The following ZNF469 variants were observed in gnomAD, a reference collection of about 807,000 sequenced individuals.
ZNF469 encodes the protein zinc finger protein 469.
Under a neutral mutation model 1.0 loss-of-function variants are expected in ZNF469, and 1 was observed. That is an observed-to-expected ratio of 1.00 (90% CI 0.35 to 4.73). The LOEUF is 4.73. ZNF469 is among the 30% of genes most tolerant of loss of function. ZNF469 has a pLI of 0.16. For missense variants in ZNF469, 6,100 were observed against 5,356.3 expected (o/e 1.14, Z -4.33); for synonymous variants, 2,703 against 2,363.4 (o/e 1.14, Z -4.17).
At chr16:88,361,590 G>T in the ZNF469 span, among the ~76,000 whole-genome samples, 1 of 151,490 alleles carries the variant, frequency 6.6e-6, no homozygotes, top group African/African-American at 2.4e-5. Context: ...TTCTTTATAT[G>T]CCCTGGATAC....
chr16:88,124,930 C>T, the ZNF469 span, among the ~76,000 whole-genome samples: 135 of 152,342 alleles, frequency 8.9e-4, no homozygotes, highest in African/African-American at 3.1e-3. Flanking sequence ...TTTTAAAATA[C>T]TTTTTGTGTC....
chr16:88,196,099 G>A, the ZNF469 span, among the ~76,000 whole-genome samples: 1 of 152,248 alleles, frequency 6.6e-6, no homozygotes, highest in Non-Finnish European at 1.5e-5. Flanking sequence ...GAGTCTGTGA[G>A]GCCAGCCCTC....
At chr16:88,330,270 A>G in the ZNF469 span, among the ~76,000 whole-genome samples, 106 of 152,316 alleles carry the variant, frequency 7.0e-4, no homozygotes, top group African/African-American at 2.3e-3. Flanking sequence ...GGTGTCCTGC[A>G]TGTGTGTGCA....
chr16:88,104,243 T>C, the ZNF469 span, among the ~76,000 whole-genome samples: 1 of 87,106 alleles, frequency 1.1e-5, no homozygotes, highest in African/African-American at 3.9e-5. Context: ...TCCCAGACGG[T>C]ATCTTAAAAA....
At chr16:88,216,418 C>T in the ZNF469 span, among the ~76,000 whole-genome samples, 2 of 150,340 alleles carry the variant, frequency 1.3e-5, no homozygotes, top group Non-Finnish European at 2.9e-5. Context: ...TGCGTGAACC[C>T]GGGAGGCAGA....
At chr16:88,146,265 G>C in the ZNF469 span, among the ~76,000 whole-genome samples, 5 of 152,036 alleles carry the variant, frequency 3.3e-5, no homozygotes, top group African/African-American at 1.2e-4. Flanking sequence ...TGGCCGTGGC[G>C]GGGGGGCAGG....
chr16:88,293,314 T>TTGGATGGA, the ZNF469 span, among the ~76,000 whole-genome samples: 16,308 of 146,726 alleles, frequency 0.11, 1,159 homozygotes, highest in African/African-American at 0.19. Context: ...GGATGGGTAA[T>TTGGATGGA]TGGATGGATG....
In ZNF469 at chr16:88,436,529, C is replaced by G. The variant is rs1406997880; in HGVS notation, c.9059C>G (p.Pro3020Arg). Reference sequence around the variant, plus strand: ...TCTCTCGGAGATGTGAGCCCCGAGCCCCCCAGCCTGGAGAGAGAACGCTGT... The same window carrying G: ...TCTCTCGGAGATGTGAGCCCCGAGCGCCCCAGCCTGGAGAGAGAACGCTGT... ...SSSLGDVSPE[P>R]PSLERERCDG... The change falls in exon 3 of 3, where the codon CCC (proline) becomes CGC (arginine). Residue 3020 changes from proline to arginine, a missense_variant. Coordinates refer to ENST00000565624, the MANE Select transcript of ZNF469 (RefSeq NM_001367624.2). 6.5e-7 allele frequency: 1 copy of G among 1,549,334 alleles called. No homozygotes were observed.
At chr16:88,157,150 A>G in the ZNF469 span, among the ~76,000 whole-genome samples, 2 of 151,006 alleles carry the variant, frequency 1.3e-5, no homozygotes, top group Non-Finnish European at 3.0e-5. Flanking sequence ...ACCAGGGCAC[A>G]CAGGCAGCCG....
chr16:88,409,884 GC>G (rs1905103087), intron 1 of ZNF469, among the ~76,000 whole-genome samples: 4 of 136,622 alleles, frequency 2.9e-5, no homozygotes, highest in African/African-American at 9.2e-5. Flanking sequence ...GGGGGGGGGG[GC>G]GCGGGGCGTT....
At chr16:88,152,019 G>C in the ZNF469 span, among the ~76,000 whole-genome samples, 3 of 152,220 alleles carry the variant, frequency 2.0e-5, no homozygotes, top group African/African-American at 7.2e-5. This position sits in a 1 kb window ranked among gnomAD's most constrained non-coding sequence, Gnocchi z 4.2. Context: ...ACACAGAAGA[G>C]ATGGAAACGC....
chr16:88,438,320 C>T lies in ZNF469; in HGVS notation c.10850C>T (p.Pro3617Leu). The T allele has an allele frequency of 1.3e-6, 2 of 1,550,132 alleles. No individual in the cohort carries two copies. The highest frequency in any genetic ancestry group is 1.7e-6 in the Non-Finnish European group (2 of 1,146,862). The change falls in exon 3 of 3, where the codon CCT becomes CTT. Residue 3617 changes from proline (P) to leucine (L), a missense_variant. Physicochemically the swap from Pro to Leu is moderately conservative, Grantham distance 98. Coordinates refer to ENST00000565624, the MANE Select transcript of ZNF469 (RefSeq NM_001367624.2). ...RGQDAEGKRA[P>L]LVFSGKRRAP... The stretch of plus-strand genomic sequence containing the variant: ...CAAGATGCGGAGGGAAAGAGGGCTC[C>T]TCTCGTGTTCTCAGGGAAACGCAGG...
the ZNF469 span, among the ~76,000 whole-genome samples, chr16:88,277,093 T>A: frequency 6.6e-6 from 1 of 152,046 alleles, no homozygotes; most frequent in Admixed American, 6.5e-5. Context: ...TGTGTAGATG[T>A]CAGTGCACGG....
the ZNF469 span, among the ~76,000 whole-genome samples, chr16:88,134,577 G>A: frequency 6.6e-6 from 1 of 152,236 alleles, no homozygotes; most frequent in South Asian, 2.1e-4. Flanking sequence ...TGGAATTACA[G>A]AATCAAGAAT....
chr16:88,412,543 C>G (rs780979447), intron 1 of ZNF469, among the ~76,000 whole-genome samples: 21 of 152,220 alleles, frequency 1.4e-4, no homozygotes, highest in Non-Finnish European at 3.1e-4. Flanking sequence ...CACAGCAGCC[C>G]AGACCCAGCC....
chr16:88,374,551 T>G, the ZNF469 span, among the ~76,000 whole-genome samples: 1 of 152,226 alleles, frequency 6.6e-6, no homozygotes, highest in African/African-American at 2.4e-5. Flanking sequence ...TGGGGTGCCA[T>G]GTGAGGCTTC....
the ZNF469 span, among the ~76,000 whole-genome samples, chr16:88,108,020 A>G: frequency 6.6e-6 from 1 of 152,176 alleles, no homozygotes; most frequent in African/African-American, 2.4e-5. Flanking sequence ...TGTCATTTGG[A>G]GGTGGATGCA....
At chr16:88,384,753 G>A (rs1025745907) in intron 1 of ZNF469, among the ~76,000 whole-genome samples, 2 of 152,246 alleles carry the variant, frequency 1.3e-5, no homozygotes, top group South Asian at 2.1e-4. Context: ...GCTCTGGGCA[G>A]TGTGCAAACC....
chr16:88,418,074 A>T (rs1905352100), intron 1 of ZNF469, among the ~76,000 whole-genome samples: 1 of 152,114 alleles, frequency 6.6e-6, no homozygotes, highest in Non-Finnish European at 1.5e-5. Context: ...AGACCCCAGG[A>T]ATAACAGCTG....
Sources: gnomAD v4.1 joint callset for allele counts (sites outside exome capture counted in the v4.1 genomes callset) on GRCh38, gnomAD v4.1.1 for gene constraint, Gnocchi (gnomAD v3.1) non-coding constraint, MANE v1.5 for transcripts, NCBI Gene and HGNC (gene_info 2026-07-23, HGNC 2026-07-21) for gene names.